The following CACNA1C variants were observed in gnomAD, a reference collection of about 807,000 sequenced individuals.
The protein encoded by CACNA1C is calcium voltage-gated channel subunit alpha1 C, also known as voltage-dependent L-type calcium channel subunit alpha-1C.
Under a neutral mutation model 229.0 loss-of-function variants are expected in CACNA1C, and 30 were observed. That is an observed-to-expected ratio of 0.13 (90% CI 0.10 to 0.18). The LOEUF (loss-of-function observed/expected upper bound fraction) is 0.18, where lower values mean the gene tolerates loss of function less well. CACNA1C is among the 10% of genes least tolerant of loss of function. CACNA1C has a pLI of 1.00. For synonymous variants in CACNA1C, 1,114 were observed against 1,132.5 expected (o/e 0.98, Z 0.33); for missense variants, 1,658 against 2,845.0 (o/e 0.58, Z 9.49).
At chr12:2,414,057 G>A (rs2098837838) in intron 3 of CACNA1C, among the ~76,000 whole-genome samples, 1 of 140,518 alleles carries the variant, frequency 7.1e-6, no homozygotes. Flanking sequence ...GTGGGATTCA[G>A]AGTAAGACTG....
chr12:2,238,024 G>A (rs1251546145), intron 3 of CACNA1C, among the ~76,000 whole-genome samples: 2 of 152,288 alleles, frequency 1.3e-5, no homozygotes, highest in African/African-American at 2.4e-5. Flanking sequence ...CTATCTGTAT[G>A]TTCTTTAAGG....
chr12:2,352,513 T>C (rs2097232375), intron 3 of CACNA1C, among the ~76,000 whole-genome samples: 1 of 152,104 alleles, frequency 6.6e-6, no homozygotes, highest in Admixed American at 6.5e-5. Flanking sequence ...TCCCGCCTTT[T>C]CCAGTAATGG....
At chr12:2,663,802 T>C (rs1440348917) in intron 34 of CACNA1C, among the ~76,000 whole-genome samples, 1 of 142,822 alleles carries the variant, frequency 7.0e-6, no homozygotes, top group Non-Finnish European at 1.5e-5. Flanking sequence ...AGTACAGTGG[T>C]GTGATCTCGG....
intron 1 of CACNA1C, among the ~76,000 whole-genome samples, chr12:1,989,806 T>C (rs1488359748): frequency 1.3e-5 from 2 of 152,272 alleles, no homozygotes; most frequent in African/African-American, 4.8e-5. Context: ...CATATGCTAA[T>C]ATCTTATTTA....
intron 3 of CACNA1C, among the ~76,000 whole-genome samples, chr12:2,130,470 C>T (rs1273729525): frequency 8.4e-6 from 1 of 118,592 alleles, no homozygotes; most frequent in Admixed American, 9.0e-5. Flanking sequence ...CACCCCACCA[C>T]AGTCCCCAGA....
intron 3 of CACNA1C, among the ~76,000 whole-genome samples, chr12:2,197,968 G>A: frequency 6.6e-6 from 1 of 152,142 alleles, no homozygotes; most frequent in East Asian, 1.9e-4. Context: ...TACATGTTCT[G>A]GGTTTTGTAA....
At chr12:2,107,153 G>C (rs2079297001) in intron 1 of CACNA1C, among the ~76,000 whole-genome samples, 1 of 143,458 alleles carries the variant, frequency 7.0e-6, no homozygotes, top group Admixed American at 6.8e-5. Flanking sequence ...ACCTCAGCTG[G>C]GGTGTCCTGA....
chr12:2,612,695 G>A (rs1421657398), intron 29 of CACNA1C: 2 of 152,334 alleles, frequency 1.3e-5, no homozygotes, highest in East Asian at 1.9e-4. Context: ...TGGATCATCT[G>A]TGCCCTTCCT....
Position 2,512,026 on chromosome 12 carries a change from T to G in CACNA1C, c.1218-786T>G, listed in dbSNP as rs10848668. On this transcript the variant is annotated intron_variant, in intron 8 of 46. Transcript: ENST00000399655. This position sits in a 1 kb window ranked among gnomAD's most constrained non-coding sequence, Gnocchi z 4.3. Reference sequence around the variant, plus strand: ...TTGTGTTTGGAATCTTCATTTGTCTTCATGTGGGAGAGAACCTTCTCTAGA... The same window carrying G: ...TTGTGTTTGGAATCTTCATTTGTCTGCATGTGGGAGAGAACCTTCTCTAGA... 6.6e-6 allele frequency among the ~76,000 whole-genome samples: 1 copy of G among 152,140 alleles called. No individual in the cohort carries two copies. The highest frequency in any genetic ancestry group is 2.4e-5 in the African/African-American group (1 of 41,472).
At chr12:2,599,617 G>A (rs1286619807) in intron 21 of CACNA1C, among the ~76,000 whole-genome samples, 6 of 152,246 alleles carry the variant, frequency 3.9e-5, no homozygotes, top group South Asian at 2.1e-4. Context: ...AGCGAGCCAC[G>A]TCCCATTCCT....
At chr12:2,522,937 C>T (rs978711532) in intron 9 of CACNA1C, among the ~76,000 whole-genome samples, 3 of 152,070 alleles carry the variant, frequency 2.0e-5, no homozygotes, top group Non-Finnish European at 4.4e-5. Context: ...GTTATGTGGC[C>T]GTTGCTCCCT....
At chr12:2,339,941 A>G (rs1003029633) in intron 3 of CACNA1C, among the ~76,000 whole-genome samples, 15 of 151,346 alleles carry the variant, frequency 9.9e-5, no homozygotes, top group African/African-American at 3.4e-4. Flanking sequence ...CCATGCAAAT[A>G]TGGAAATATA....
chr12:2,352,323 C>T (rs1328127418), intron 3 of CACNA1C, among the ~76,000 whole-genome samples: 1 of 152,200 alleles, frequency 6.6e-6, no homozygotes, highest in Non-Finnish European at 1.5e-5. Context: ...AATTGACAGG[C>T]CCTCTGAAAA....
rs750778334 is a variant in CACNA1C at position 2,690,931 on chromosome 12, C to T, written c.6149C>T (p.Ala2050Val). The change falls in exon 47 of 47, where the codon GCT becomes GTT. Residue 2050 changes from alanine (A) to valine (V), a missense_variant. Physicochemically the swap from Ala to Val is moderately conservative, Grantham distance 64. Transcript: ENST00000399655. ...ATTTCAGAAGGACTGGGGCAGTTTG[C>T]TCAAGATCCCAAGTTCATCGAGGTC... is the stretch of plus-strand genomic sequence containing the variant. ...VLISEGLGQF[A>V]QDPKFIEVTT... is the part of the protein sequence containing the mutation. The T allele has an allele frequency of 2.5e-6, 4 of 1,590,964 alleles. No homozygotes were observed. In the South Asian group the frequency reaches 4.6e-5, roughly 18 times the overall value.
chr12:2,658,860 A>T (rs972236440), intron 34 of CACNA1C, among the ~76,000 whole-genome samples: 25 of 142,632 alleles, frequency 1.8e-4, no homozygotes, highest in African/African-American at 6.1e-4. Context: ...AGCTAAAATT[A>T]AAAAAAAAAA....
intron 3 of CACNA1C, among the ~76,000 whole-genome samples, chr12:2,134,450 G>T (rs1228536674): frequency 8.5e-6 from 1 of 117,174 alleles, no homozygotes; most frequent in African/African-American, 3.4e-5. Flanking sequence ...GGTACTGGTT[G>T]TTCCTTTCCA....
intron 7 of CACNA1C, among the ~76,000 whole-genome samples, chr12:2,500,056 G>A (rs1037804021): frequency 3.3e-5 from 5 of 152,172 alleles, no homozygotes; most frequent in Non-Finnish European, 5.9e-5. Flanking sequence ...TGTGGCAGCC[G>A]AGCATTGCTC....
intron 1 of CACNA1C, among the ~76,000 whole-genome samples, chr12:2,114,838 A>G (rs113396875): frequency 1.3e-4 from 20 of 152,284 alleles, no homozygotes; most frequent in Admixed American, 3.3e-4. Flanking sequence ...CAATCATTCT[A>G]TTCGATTTCA....
intron 3 of CACNA1C, among the ~76,000 whole-genome samples, chr12:2,359,749 A>G (rs948196151): frequency 1.3e-5 from 2 of 152,104 alleles, no homozygotes; most frequent in Non-Finnish European, 2.9e-5. Flanking sequence ...TGACCTAGTA[A>G]TAGGCTTCCA....
Sources: gnomAD v4.1 joint callset for allele counts (sites outside exome capture counted in the v4.1 genomes callset) on GRCh38, gnomAD v4.1.1 for gene constraint, Gnocchi (gnomAD v3.1) non-coding constraint, MANE v1.5 for transcripts, NCBI Gene and HGNC (gene_info 2026-07-23, HGNC 2026-07-21) for gene names.